The following IQGAP2 variants were observed in gnomAD, a reference collection of about 807,000 sequenced individuals.
IQGAP2 encodes the protein ras GTPase-activating-like protein IQGAP2.
In IQGAP2, 173 loss-of-function variants were observed where a neutral mutation model predicts 201.3. That is an observed-to-expected ratio of 0.86 (90% CI 0.76 to 0.98). The LOEUF (loss-of-function observed/expected upper bound fraction) is 0.98, where lower values mean the gene tolerates loss of function less well. IQGAP2 is among the 50% of genes least tolerant of loss of function. The pLI is 0.00. For missense variants in IQGAP2, 1,687 were observed against 1,864.8 expected, an observed-to-expected ratio of 0.90 and a Z score of 1.76; for synonymous variants, 675 against 673.9, an observed-to-expected ratio of 1.00 and a Z score of -0.03.
rs367609349 is a variant in IQGAP2, at chr5:76,572,444, G to C, written c.381+1787G>C. On this transcript the variant is annotated intron_variant, in intron 4 of 35. Coordinates refer to ENST00000274364, the MANE Select transcript of IQGAP2 (RefSeq NM_006633.5). ...CTCCCAAAGTTCTGGGATTACAGGC[G>C]TGAGCCACTGCACCTGGCCTGAAAT... 4.0e-4 allele frequency among the ~76,000 whole-genome samples: 60 copies of C among 150,106 alleles called. No homozygotes were observed. The East Asian group carries it at 0.011, about 27-fold the overall frequency.
At chr5:76,443,501 G>T (rs1753175989) in intron 1 of IQGAP2, among the ~76,000 whole-genome samples, 1 of 150,612 alleles carries the variant, frequency 6.6e-6, no homozygotes. Context: ...AAAAAAATGT[G>T]AGAGGACAGA....
chr5:76,657,746 G>T (rs1239793484), intron 20 of IQGAP2, among the ~76,000 whole-genome samples: 1 of 152,156 alleles, frequency 6.6e-6, no homozygotes, highest in East Asian at 1.9e-4. Context: ...AAAGCCTAAA[G>T]TTCCAGGTAC....
At chr5:76,431,512 G>C (rs1413994636) in intron 1 of IQGAP2, among the ~76,000 whole-genome samples, 5 of 152,012 alleles carry the variant, frequency 3.3e-5, no homozygotes, top group Non-Finnish European at 5.9e-5. Context: ...ATGCTTTGTA[G>C]TTGCGAGAGA....
chr5:76,606,082 A>G (rs561245709), intron 11 of IQGAP2, 97 bp from the exon 12 acceptor site: 2 of 1,095,984 alleles, frequency 1.8e-6, no homozygotes, highest in South Asian at 2.0e-5. Context: ...GTCTAACTTC[A>G]TAACAACTAT....
chr5:76,664,465 A>G (rs1356007128), intron 21 of IQGAP2, among the ~76,000 whole-genome samples: 21 of 152,200 alleles, frequency 1.4e-4, no homozygotes, highest in Admixed American at 1.4e-3. Flanking sequence ...CGGGTGGATC[A>G]AGAGGGCAGG....
intron 2 of IQGAP2, among the ~76,000 whole-genome samples, chr5:76,496,757 C>CTTTCTTTTCT (rs1561416479): frequency 2.5e-5 from 2 of 79,268 alleles, no homozygotes; most frequent in East Asian, 3.0e-4. Context: ...TTCTTTCTTT[C>CTTTCTTTTCT]TTTCTTTCTT....
At chr5:76,550,946 C>T (rs547031813) in intron 2 of IQGAP2, among the ~76,000 whole-genome samples, 35 of 151,756 alleles carry the variant, frequency 2.3e-4, no homozygotes, top group African/African-American at 7.7e-4. Flanking sequence ...AGGCGCCCCT[C>T]ACCTCCCTCC....
At chr5:76,513,140 G>T (rs1758089784) in intron 2 of IQGAP2, among the ~76,000 whole-genome samples, 1 of 152,012 alleles carries the variant, frequency 6.6e-6, no homozygotes, top group Admixed American at 6.5e-5. Flanking sequence ...TTTTTCATTG[G>T]TAGAAGGCTT....
At chr5:76,651,699 T>C (rs932084785) in intron 17 of IQGAP2, among the ~76,000 whole-genome samples, 6 of 152,180 alleles carry the variant, frequency 3.9e-5, no homozygotes, top group South Asian at 2.1e-4. Flanking sequence ...TCTTTTGTCC[T>C]TCCTGTGAGT....
In IQGAP2 at chr5:76,674,024, T is replaced by C; in HGVS notation, c.3282T>C (p.Asp1094=). The C allele has an allele frequency of 6.2e-7, 1 of 1,602,908 alleles. No individual in the cohort carries two copies. Among genetic ancestry groups the C allele is most frequent in the Non-Finnish European group, 8.5e-7 (1 of 1,169,894 alleles). ...AGAAATTCCCCGATGCAACAGAAGA[T>C]GAGCTATTAAAGGTAGATTTTCAAG... ...IHEKFPDATE[D]ELLKIVGNLL... The change falls in exon 26 of 36, where the codon GAT becomes GAC. Residue 1094 remains aspartate, a synonymous_variant. Transcript: ENST00000274364.
chr5:76,635,987 C>A (rs527621480), intron 15 of IQGAP2, among the ~76,000 whole-genome samples: 15 of 152,242 alleles, frequency 9.9e-5, no homozygotes, highest in Non-Finnish European at 1.9e-4. Flanking sequence ...AGCTGTCTGG[C>A]TGCCCATTGA....
rs145287794 is a variant in IQGAP2 at position 76,510,505 on chromosome 5, C to T, written c.146+48836C>T. The T allele has an allele frequency of 1.8e-3, 669 of 363,654 alleles. 1 individual carries two copies. Among genetic ancestry groups the T allele is most frequent in the African/African-American group, 0.013 (628 of 47,094 alleles). 22.5% of individuals were successfully genotyped at this position (363,654 alleles called of 1,614,324 possible). A position where few individuals can be genotyped will look rare whatever the true frequency, so the allele number is the denominator to read the frequency against. On this transcript the variant is annotated intron_variant, in intron 2 of 35. Transcript: ENST00000274364. ...CAGGATCCACTCAGGCTGCATCTCC[C>T]GTGGTGCTCATCTGGCTGCTGCCAT...
At position 76,507,582 on chromosome 5, in the gene IQGAP2, A is replaced by C. The variant is rs555495017; in HGVS notation, c.146+45913A>C. 4.6e-5 allele frequency among the ~76,000 whole-genome samples: 7 copies of C among 152,378 alleles called. No individual in the cohort carries two copies. In the South Asian group the frequency reaches 1.4e-3, roughly 32 times the overall value. The stretch of plus-strand genomic sequence containing the variant: ...AAAAATTTCCGTTCTGTGAAAGGCC[A>C]TGTCAAGAGAATGAAAAGACAGGCC... On this transcript the variant is annotated intron_variant, in intron 2 of 35. Transcript: ENST00000274364.
At chr5:76,558,161 T>C (rs1436533481) in intron 2 of IQGAP2, among the ~76,000 whole-genome samples, 2 of 152,160 alleles carry the variant, frequency 1.3e-5, no homozygotes, top group African/African-American at 4.8e-5. Flanking sequence ...AAAAATGTGA[T>C]TACCTCTTTT....
At chr5:76,621,852 C>T (rs545211098) in intron 13 of IQGAP2, among the ~76,000 whole-genome samples, 3 of 152,134 alleles carry the variant, frequency 2.0e-5, no homozygotes, top group East Asian at 1.9e-4. Flanking sequence ...TTTTTCTATC[C>T]GGGAAAAGGC....
At chr5:76,586,394 A>G (rs1403146768) in intron 5 of IQGAP2, among the ~76,000 whole-genome samples, 2 of 152,232 alleles carry the variant, frequency 1.3e-5, no homozygotes, top group Admixed American at 6.5e-5. Context: ...GTTTTAAAGG[A>G]AAAGCAGGAA....
chr5:76,694,083 G>C (rs1746510897), intron 31 of IQGAP2: 1 of 152,038 alleles, frequency 6.6e-6, no homozygotes, highest in Non-Finnish European at 1.5e-5. Context: ...TAATTTTCCT[G>C]GATCATTCTT....
In IQGAP2 at chr5:76,518,835, T is replaced by C. The variant is rs1289077480; in HGVS notation, c.147-43561T>C. On this transcript the variant is annotated intron_variant, in intron 2 of 35. Coordinates refer to ENST00000274364, the MANE Select transcript of IQGAP2 (RefSeq NM_006633.5). Reference sequence around the variant, plus strand: ...TTAAAATGTTACATTTAAATATAGTTAATAAAAAATGGCTTTTGGGTCCAG... The same window carrying C: ...TTAAAATGTTACATTTAAATATAGTCAATAAAAAATGGCTTTTGGGTCCAG... Among the ~76,000 whole-genome samples the C allele has an allele frequency of 3.3e-5, 5 of 152,284 alleles. No individual in the cohort carries two copies. The East Asian group carries it at 7.7e-4, about 23-fold the overall frequency.
At chr5:76,543,819 TTTTTTG>T (rs1234173673) in intron 2 of IQGAP2, among the ~76,000 whole-genome samples, 4 of 152,210 alleles carry the variant, frequency 2.6e-5, no homozygotes, top group African/African-American at 9.7e-5. Flanking sequence ...AGGTTTTTTG[TTTTTTG>T]TTTTTGTTTT....
Sources: allele counts gnomAD v4.1 joint callset (sites outside exome capture counted in the v4.1 genomes callset), GRCh38; gene constraint gnomAD v4.1.1; transcripts MANE v1.5; gene names NCBI Gene and HGNC (gene_info 2026-07-23, HGNC 2026-07-21).